The following CFAP251 variants were observed in gnomAD, a reference collection of about 807,000 sequenced individuals.
CFAP251 encodes the protein cilia- and flagella-associated protein 251.
CFAP251 carries 93 observed loss-of-function variants against 126.7 expected under a neutral mutation model. The observed-to-expected ratio is 0.73, with a 90% CI of 0.62 to 0.87. The LOEUF (loss-of-function observed/expected upper bound fraction) is 0.87, where lower values mean the gene tolerates loss of function less well. CFAP251 is among the 40% of genes least tolerant of loss of function. The probability of loss-of-function intolerance (pLI) is 0.00; values close to 1 mark genes in which losing one functional copy is unlikely to be tolerated. For missense variants in CFAP251, 1,287 were observed against 1,389.2 expected, an observed-to-expected ratio of 0.93 and a Z score of 1.17; for synonymous variants, 503 against 506.9, an observed-to-expected ratio of 0.99 and a Z score of 0.10.
chr12:121,959,298 A>T (rs1881843758), intron 13 of CFAP251: 1 of 507,126 alleles, frequency 2.0e-6, no homozygotes, highest in African/African-American at 2.0e-5. Context: ...AAAATTAGCC[A>T]GGCCTTGTGG....
At chr12:121,931,067 A>C (rs1273761239) in intron 3 of CFAP251, among the ~76,000 whole-genome samples, 1 of 151,916 alleles carries the variant, frequency 6.6e-6, no homozygotes, top group East Asian at 1.9e-4. Flanking sequence ...TTTCTTATAA[A>C]GTTACGTAAT....
intron 17 of CFAP251, chr12:121,969,800 G>A (rs892688383): frequency 2.0e-6 from 2 of 985,384 alleles, no homozygotes; most frequent in Non-Finnish European, 2.4e-6. Context: ...TGAAATGTTT[G>A]TCTTCTTCTC....
intron 15 of CFAP251, among the ~76,000 whole-genome samples, chr12:121,964,194 C>T (rs1258618318): frequency 6.6e-6 from 1 of 151,800 alleles, no homozygotes; most frequent in Non-Finnish European, 1.5e-5. Context: ...AGTTCTTTCC[C>T]AGAAGGCACA....
chr12:121,973,225 A>G (rs945806026), intron 17 of CFAP251, among the ~76,000 whole-genome samples: 4 of 152,256 alleles, frequency 2.6e-5, no homozygotes, highest in African/African-American at 9.6e-5. Context: ...GGAAGCCCCA[A>G]GCCTTGGCAG....
chr12:121,919,276 T>G (rs1308950377), intron 1 of CFAP251, among the ~76,000 whole-genome samples: 1 of 152,170 alleles, frequency 6.6e-6, no homozygotes, highest in East Asian at 1.9e-4. Context: ...TCTCTTATTC[T>G]AATGTCACTG....
chr12:121,920,678 G>A (rs1342301360), intron 1 of CFAP251, among the ~76,000 whole-genome samples: 2 of 151,934 alleles, frequency 1.3e-5, no homozygotes, highest in Non-Finnish European at 1.5e-5. Context: ...TTACAGGCGT[G>A]AGCCACCACG....
At chr12:121,972,403 A>G (rs899170999) in intron 17 of CFAP251, among the ~76,000 whole-genome samples, 9 of 152,218 alleles carry the variant, frequency 5.9e-5, no homozygotes, top group African/African-American at 1.9e-4. Flanking sequence ...TGTTTTAGCA[A>G]AGAGACTGGT....
intron 19 of CFAP251, among the ~76,000 whole-genome samples, chr12:121,982,205 C>T (rs1882638054): frequency 6.6e-6 from 1 of 151,774 alleles, no homozygotes; most frequent in Admixed American, 6.6e-5. Context: ...CTCACTTGTT[C>T]AGGATTTTTT....
rs73415652 is a variant in CFAP251, at chr12:121,958,518, C to T, written c.1977C>T (p.Pro659=). Residue 659 remains proline, a synonymous_variant, in exon 12 of 22, where the codon CCC becomes CCT. Coordinates refer to ENST00000288912, the MANE Select transcript of CFAP251 (RefSeq NM_144668.6). The part of the protein sequence containing the change: ...GLGVQSLTYN[P]EGALLGAGFT... ...GAGTCCAGAGTCTGACCTACAACCC[C>T]GAAGGTATTTTCATCTTATCAGCCT... is the stretch of plus-strand genomic sequence containing the variant. The T allele has an allele frequency of 4.3e-6, 7 of 1,614,106 alleles. No homozygotes were observed. Among genetic ancestry groups the T allele is most frequent in the South Asian group, 1.1e-5 (1 of 91,056 alleles).
At chr12:121,958,193 G>A (rs900781032) in intron 11 of CFAP251, 79 bp from the exon 12 acceptor site, 22 of 1,558,532 alleles carry the variant, frequency 1.4e-5, no homozygotes, top group Non-Finnish European at 1.7e-5. Context: ...GGCGTTTTAT[G>A]TGCAATTAGA....
chr12:121,928,674 A>ATATATACG lies in CFAP251; in HGVS notation c.748-3066_748-3065insCGTATATA, dbSNP rs1565902711. On this transcript the variant is annotated intron_variant, in intron 3 of 21. Coordinates refer to ENST00000288912, the MANE Select transcript of CFAP251 (RefSeq NM_144668.6). ...TATATATACGTATATATATACGTAT[A>ATATATACG]TATATATATATATACGTATATATAT... is the stretch of plus-strand genomic sequence containing the variant. 2.6e-3 allele frequency among the ~76,000 whole-genome samples: 46 copies of ATATATACG among 17,792 alleles called. 2 individuals carry two copies. The South Asian group carries it at 0.044, about 17-fold the overall frequency. 11.7% of individuals were successfully genotyped at this position (17,792 alleles called of 152,430 possible).
rs917844795 is a variant in CFAP251, at chr12:121,989,590, C to T, written c.3007-10126C>T. ...CTCCTCAGCCCACTACTCCCTGCCC[C>T]GGGTCAGCGAGGAGATGCAGGGGGT... On this transcript the variant is annotated intron_variant, in intron 19 of 21. Coordinates refer to ENST00000288912, the MANE Select transcript of CFAP251 (RefSeq NM_144668.6). The surrounding 1 kb of genome is among the most constrained non-coding windows in gnomAD (Gnocchi z 4.2). Among the ~76,000 whole-genome samples the T allele has an allele frequency of 3.3e-5, 5 of 152,160 alleles. No individual in the cohort carries two copies. Among genetic ancestry groups the T allele is most frequent in the Admixed American group, 6.5e-5 (1 of 15,278 alleles).
chr12:121,980,871 C>T (rs1882603814), intron 19 of CFAP251, among the ~76,000 whole-genome samples: 2 of 152,182 alleles, frequency 1.3e-5, no homozygotes, highest in South Asian at 4.1e-4. Context: ...AACTAGCTGG[C>T]CTGGCTGCAG....
At chr12:121,923,357 C>T (rs1204535056) in intron 2 of CFAP251, among the ~76,000 whole-genome samples, 1 of 152,130 alleles carries the variant, frequency 6.6e-6, no homozygotes, top group East Asian at 1.9e-4. Flanking sequence ...TAAGGTGGCA[C>T]TGTGTTGCCC....
chr12:121,988,326 A>G (rs1051066178), intron 19 of CFAP251, among the ~76,000 whole-genome samples: 12 of 152,132 alleles, frequency 7.9e-5, no homozygotes, highest in African/African-American at 2.9e-4. Context: ...AGACATCACC[A>G]CCACGTAATC....
chr12:121,986,773 GA>G (rs77069413), intron 19 of CFAP251, among the ~76,000 whole-genome samples: 6,139 of 96,366 alleles, frequency 0.064, 259 homozygotes, highest in African/African-American at 0.16. Flanking sequence ...CAAAGAAAAA[GA>G]AAAAAAAAAA....
Position 121,942,994 on chromosome 12 carries a change from T to C in CFAP251, c.1191+19T>C. 1.2e-6 allele frequency: 2 copies of C among 1,613,658 alleles called. No homozygotes were observed. Among genetic ancestry groups the C allele is most frequent in the East Asian group, 2.2e-5 (1 of 44,860 alleles). On this transcript the variant is annotated intron_variant, in intron 7 of 21. Coordinates refer to ENST00000288912, the MANE Select transcript of CFAP251 (RefSeq NM_144668.6). ...TGTTCAGGTGAGTTCAGTTGGAGCC[T>C]GTAAACATCAACCTGAAGTTATACA...
In CFAP251 at chr12:121,992,944, GCTCTCCCTCTCCCTCTCCCACTCC is replaced by G. The variant is rs1384212781; in HGVS notation, c.3007-6759_3007-6736del. Among the ~76,000 whole-genome samples, 24 of 133,210 alleles carry G rather than the reference GCTCTCCCTCTCCCTCTCCCACTCC, an allele frequency of 1.8e-4. No individual in the cohort carries two copies. In the East Asian group the frequency reaches 4.9e-3, roughly 27 times the overall value. 87.4% of individuals were successfully genotyped at this position (133,210 alleles called of 152,430 possible). The stretch of plus-strand genomic sequence containing the variant: ...TGCATAGAAAAATATAATCACAAGA[GCTCTCCCTCTCCCTCTCCCACTCC>G]CTCTCCCTCTCCGTCTCCCTCTCCC... On this transcript the variant is annotated intron_variant, in intron 19 of 21. Coordinates refer to ENST00000288912, the MANE Select transcript of CFAP251 (RefSeq NM_144668.6).
chr12:121,974,123 C>G lies in CFAP251; in HGVS notation c.2772-1121C>G, dbSNP rs774956162. On this transcript the variant is annotated intron_variant, in intron 17 of 21. Coordinates refer to ENST00000288912, the MANE Select transcript of CFAP251 (RefSeq NM_144668.6). This position sits in a 1 kb window ranked among gnomAD's most constrained non-coding sequence, Gnocchi z 4.6. ...TGGGGGCAGTTTCCCCCATGCTGTT[C>G]CCATGGTAGTGAATAAGTCTCATGA... 7.2e-5 allele frequency among the ~76,000 whole-genome samples: 11 copies of G among 152,050 alleles called. No individual in the cohort carries two copies. The highest frequency in any genetic ancestry group is 7.2e-4 in the Admixed American group (11 of 15,264).
Sources: allele counts gnomAD v4.1 joint callset (sites outside exome capture counted in the v4.1 genomes callset), GRCh38; gene constraint gnomAD v4.1.1; non-coding constraint Gnocchi (gnomAD v3.1); transcripts MANE v1.5; gene names NCBI Gene and HGNC (gene_info 2026-07-23, HGNC 2026-07-21).